The following PSEN1 variants were observed in gnomAD, a reference collection of about 807,000 sequenced individuals.
PSEN1 encodes presenilin-1.
A neutral mutation model predicts 53.5 loss-of-function variants in PSEN1; 15 were observed. The observed-to-expected ratio is 0.28, with a 90% CI of 0.19 to 0.43. The LOEUF (loss-of-function observed/expected upper bound fraction) is 0.43. Ranked by LOEUF, PSEN1 falls within the 20% of genes least tolerant of loss-of-function variation. The probability of loss-of-function intolerance (pLI) is 1.00; values close to 1 mark genes in which losing one functional copy is unlikely to be tolerated. For missense variants in PSEN1, 387 were observed against 571.2 expected, an observed-to-expected ratio of 0.68 and a Z score of 3.29; for synonymous variants, 208 against 209.8, an observed-to-expected ratio of 0.99 and a Z score of 0.08.
chr14:73,147,630 A>G (rs926869488), intron 1 of PSEN1, 165 bp from the exon 2 acceptor site: 7 of 270,510 alleles, frequency 2.6e-5, no homozygotes, highest in Non-Finnish European at 5.1e-5. Flanking sequence ...ACTTATTGCT[A>G]AAGAGGTCTA....
chr14:73,170,055 C>T (rs919888002), intron 3 of PSEN1, among the ~76,000 whole-genome samples: 10 of 152,180 alleles, frequency 6.6e-5, no homozygotes, highest in African/African-American at 2.2e-4. Context: ...AACTTCCGGA[C>T]GTTGCCATGG....
chr14:73,173,077 C>T (rs1218539733), intron 4 of PSEN1, among the ~76,000 whole-genome samples: 1 of 152,128 alleles, frequency 6.6e-6, no homozygotes, highest in East Asian at 1.9e-4. Flanking sequence ...AAATGTTTTT[C>T]TGTGAATGAG....
At chr14:73,166,902 A>T (rs987821868) in intron 3 of PSEN1, among the ~76,000 whole-genome samples, 2 of 152,214 alleles carry the variant, frequency 1.3e-5, no homozygotes, top group Admixed American at 6.5e-5. Context: ...AAAGCACACC[A>T]TGCCTTTATA....
At chr14:73,210,359 C>T (rs1899628857) in intron 9 of PSEN1, among the ~76,000 whole-genome samples, 1 of 152,124 alleles carries the variant, frequency 6.6e-6, no homozygotes, top group African/African-American at 2.4e-5. Flanking sequence ...GAATATAAAG[C>T]TGAATTTAAT....
intron 9 of PSEN1, among the ~76,000 whole-genome samples, chr14:73,210,868 TTC>T (rs1468241824): frequency 1.3e-5 from 2 of 152,194 alleles, no homozygotes; most frequent in Non-Finnish European, 2.9e-5. Context: ...TACTTTGAAC[TTC>T]ACTTATATAT....
Position 73,138,049 on chromosome 14 carries a change from GCAAAAGAGTGAGA to G in PSEN1, c.-136+1468_-136+1480del, listed in dbSNP as rs1896797265. 2.7e-5 allele frequency: 4 copies of G among 149,610 alleles called. No individual in the cohort carries two copies. In the South Asian group the frequency reaches 8.4e-4, roughly 31 times the overall value. 9.3% of individuals were successfully genotyped at this position (149,610 alleles called of 1,614,324 possible). A position where few individuals can be genotyped will look rare whatever the true frequency, so the allele number is the denominator to read the frequency against. ...ATTATGCCACTGCACTGCAGCCTGG[GCAAAAGAGTGAGA>G]CTGTCTCAAAAAAAAAAAAAACCTG... is the stretch of plus-strand genomic sequence containing the variant. On this transcript the variant is annotated intron_variant, in intron 1 of 11. Transcript: ENST00000324501.
chr14:73,202,077 C>T (rs555314845), intron 8 of PSEN1, among the ~76,000 whole-genome samples: 150 of 152,072 alleles, frequency 9.9e-4, no homozygotes, highest in Admixed American at 1.4e-3. Flanking sequence ...GTAAGTCTTG[C>T]TCTGTTGCCC....
intron 5 of PSEN1, among the ~76,000 whole-genome samples, chr14:73,183,979 C>T (rs1321589798): frequency 2.3e-5 from 3 of 132,150 alleles, no homozygotes; most frequent in South Asian, 5.2e-4. Context: ...CAGAGGGGCT[C>T]CTCACTTCCC....
At chr14:73,144,886 A>T (rs1409931807) in intron 1 of PSEN1, among the ~76,000 whole-genome samples, 1 of 151,948 alleles carries the variant, frequency 6.6e-6, no homozygotes, top group Admixed American at 6.6e-5. Flanking sequence ...TTTATATACC[A>T]TTTATTTATT....
chr14:73,207,943 T>TTACCTAAG (rs1300222385), intron 9 of PSEN1, among the ~76,000 whole-genome samples: 7 of 152,200 alleles, frequency 4.6e-5, no homozygotes, highest in African/African-American at 7.2e-5. Flanking sequence ...CTAAGCAGCT[T>TTACCTAAG]TGACTACAGG....
intron 8 of PSEN1, among the ~76,000 whole-genome samples, chr14:73,202,366 A>C (rs564440047): frequency 7.3e-6 from 1 of 136,710 alleles, no homozygotes; most frequent in East Asian, 2.2e-4. Context: ...ATGTATGTTA[A>C]TTTAATACTC....
chr14:73,185,109 C>T (rs910447650), intron 5 of PSEN1, among the ~76,000 whole-genome samples: 2 of 151,440 alleles, frequency 1.3e-5, no homozygotes, highest in Non-Finnish European at 2.9e-5. Context: ...GGAGACGCTC[C>T]TCACTTTCCA....
intron 5 of PSEN1, among the ~76,000 whole-genome samples, chr14:73,186,158 T>C (rs1898502096): frequency 6.6e-6 from 1 of 152,160 alleles, no homozygotes; most frequent in African/African-American, 2.4e-5. Context: ...GGCAGGTGGA[T>C]CACCTCAGGT....
In PSEN1 at chr14:73,218,470, C is replaced by T. The variant is rs148004093; in HGVS notation, c.1249-664C>T. Among the ~76,000 whole-genome samples, 276 of 152,274 alleles carry T rather than the reference C, an allele frequency of 1.8e-3. 7 individuals are homozygous for T. Among genetic ancestry groups the T allele is most frequent in the Middle Eastern group, 6.8e-3 (2 of 294 alleles). ...ATGTGTTATCTTGGCCGGGTGAAGACTTTCTAGTGTTTCCGTAACTAGGGT... is the reference window on the plus strand; with the variant it reads ...ATGTGTTATCTTGGCCGGGTGAAGATTTTCTAGTGTTTCCGTAACTAGGGT... On this transcript the variant is annotated intron_variant, in intron 11 of 11. Coordinates refer to ENST00000324501, the MANE Select transcript of PSEN1 (RefSeq NM_000021.4).
intron 7 of PSEN1, among the ~76,000 whole-genome samples, chr14:73,194,331 A>G (rs1360155540): frequency 6.6e-6 from 1 of 151,644 alleles, no homozygotes; most frequent in Non-Finnish European, 1.5e-5. Flanking sequence ...GGCTTACTGC[A>G]GCCTCAAACC....
At chr14:73,199,262 G>A (rs1193019454) in intron 8 of PSEN1, among the ~76,000 whole-genome samples, 2 of 152,192 alleles carry the variant, frequency 1.3e-5, no homozygotes, top group African/African-American at 2.4e-5. Flanking sequence ...AGAGTTGGTA[G>A]TTAAGGTCTG....
chr14:73,186,641 G>A (rs1481266678), intron 5 of PSEN1, among the ~76,000 whole-genome samples: 2 of 152,096 alleles, frequency 1.3e-5, no homozygotes, highest in African/African-American at 2.4e-5. Context: ...GCCTAGCGTG[G>A]TGGCGCGCAC....
chr14:73,163,691 T>G (rs1474738688), intron 3 of PSEN1, among the ~76,000 whole-genome samples: 1 of 152,118 alleles, frequency 6.6e-6, no homozygotes, highest in African/African-American at 2.4e-5. Context: ...AGGAGGGAAC[T>G]GAGTGACAAG....
intron 7 of PSEN1, 108 bp downstream of exon 7, chr14:73,192,972 C>T: frequency 1.2e-6 from 1 of 857,386 alleles, no homozygotes; most frequent in Non-Finnish European, 2.0e-6. Context: ...GTGTACATCC[C>T]ATAACTCTTC....
Sources: gnomAD v4.1 joint callset for allele counts (sites outside exome capture counted in the v4.1 genomes callset) on GRCh38, gnomAD v4.1.1 for gene constraint, MANE v1.5 for transcripts, NCBI Gene and HGNC (gene_info 2026-07-23, HGNC 2026-07-21) for gene names.